Variants in RASSF3 observed in about 807,000 individuals in gnomAD.
RASSF3 encodes the protein ras association domain-containing protein 3.
In RASSF3, 19 loss-of-function variants were observed where a neutral mutation model predicts 19.9. That is an observed-to-expected ratio of 0.96 (90% CI 0.67 to 1.40). The LOEUF (loss-of-function observed/expected upper bound fraction) is 1.40. RASSF3 is among the 40% of genes most tolerant of loss of function. The pLI, the probability that RASSF3 is intolerant of heterozygous loss-of-function variation, is 0.00. For missense variants in RASSF3, 306 were observed against 289.8 expected, an observed-to-expected ratio of 1.06 and a Z score of -0.41; for synonymous variants, 110 against 104.2, an observed-to-expected ratio of 1.06 and a Z score of -0.34.
intron 2 of RASSF3, among the ~76,000 whole-genome samples, chr12:64,556,753 G>A (rs774646948): frequency 1.6e-4 from 24 of 151,850 alleles, no homozygotes; most frequent in Non-Finnish European, 2.8e-4. Flanking sequence ...TTCTCTTCCC[G>A]AGGGGAAAGC....
At chr12:64,670,149 G>C (rs934807357) in intron 1 of RASSF3, among the ~76,000 whole-genome samples, 1 of 151,882 alleles carries the variant, frequency 6.6e-6, no homozygotes, top group African/African-American at 2.4e-5. Flanking sequence ...CTCTGTATGT[G>C]CAGTTGGTGC....
intron 1 of RASSF3, among the ~76,000 whole-genome samples, chr12:64,620,014 C>CTGTGTGTGCGTGTGTGTG (rs1555212635): frequency 1.5e-5 from 2 of 134,168 alleles, no homozygotes; most frequent in African/African-American, 5.7e-5. Flanking sequence ...TGCAGGTTGA[C>CTGTGTGTGCGTGTGTGTG]TGTGTGTGTG....
chr12:64,591,242 C>T lies in RASSF3; in HGVS notation c.294+49537C>T, dbSNP rs545778805. 5.9e-5 allele frequency among the ~76,000 whole-genome samples: 9 copies of T among 152,102 alleles called. No homozygotes were observed. In the East Asian group the frequency reaches 7.7e-4, roughly 13 times the overall value. ...CTGTAATCCCAGCACTTTGGGAGGCCGAGGCAGGCGGATCACGAGGTCAGG... is the reference window on the plus strand; with the variant it reads ...CTGTAATCCCAGCACTTTGGGAGGCTGAGGCAGGCGGATCACGAGGTCAGG... On this transcript the variant is annotated intron_variant, in intron 2 of 5. Coordinates refer to the RASSF3 transcript ENST00000637125.
intron 1 of RASSF3, among the ~76,000 whole-genome samples, chr12:64,651,418 G>A (rs116210492): frequency 0.013 from 1,998 of 152,264 alleles, 46 homozygotes; most frequent in African/African-American, 0.045. Context: ...GAGTGCAGTG[G>A]CTTGATACTG....
At chr12:64,620,155 G>GT (rs1443129603) in intron 1 of RASSF3, among the ~76,000 whole-genome samples, 10 of 151,890 alleles carry the variant, frequency 6.6e-5, no homozygotes, top group Non-Finnish European at 1.3e-4. Context: ...GCGTATATAG[G>GT]TTCGTCTGAC....
At chr12:64,664,813 T>A (rs1252983012) in intron 1 of RASSF3, among the ~76,000 whole-genome samples, 1 of 152,212 alleles carries the variant, frequency 6.6e-6, no homozygotes, top group Admixed American at 6.5e-5. Context: ...CATCTCTGGT[T>A]GCCTCAGTAC....
At chr12:64,553,350 G>A (rs1349897233) in intron 2 of RASSF3, among the ~76,000 whole-genome samples, 4 of 152,104 alleles carry the variant, frequency 2.6e-5, no homozygotes, top group Admixed American at 6.6e-5. Flanking sequence ...TGGACCGGGG[G>A]GTTAAATATT....
intron 3 of RASSF3, among the ~76,000 whole-genome samples, chr12:64,689,414 T>A (rs1210108850): frequency 6.6e-6 from 1 of 152,200 alleles, no homozygotes; most frequent in Non-Finnish European, 1.5e-5. Context: ...ACCATGGGGC[T>A]AGACCCTGTG....
At chr12:64,585,145 G>T (rs2682718) in intron 2 of RASSF3, among the ~76,000 whole-genome samples, 1 of 152,026 alleles carries the variant, frequency 6.6e-6, no homozygotes, top group Non-Finnish European at 1.5e-5. Flanking sequence ...CGGCCTCCCA[G>T]AGTGCTGGGA....
At chr12:64,564,849 C>T (rs1172211978) in intron 2 of RASSF3, among the ~76,000 whole-genome samples, 1 of 151,552 alleles carries the variant, frequency 6.6e-6, no homozygotes, top group African/African-American at 2.4e-5. Context: ...GGTGCAATCT[C>T]GGCTCACTGC....
chr12:64,676,327 T>G (rs1795614), intron 1 of RASSF3, among the ~76,000 whole-genome samples: 4 of 151,458 alleles, frequency 2.6e-5, no homozygotes, highest in Non-Finnish European at 5.9e-5. Context: ...GCCACCACAC[T>G]GGGCTAATTT....
intron 1 of RASSF3, among the ~76,000 whole-genome samples, chr12:64,508,777 G>A (rs1038468222): frequency 5.9e-5 from 9 of 151,986 alleles, no homozygotes; most frequent in African/African-American, 9.6e-5. Flanking sequence ...CCAGCTACTC[G>A]GGAGGCAGAA....
At chr12:64,572,003 T>C (rs1310091706) in intron 2 of RASSF3, among the ~76,000 whole-genome samples, 1 of 152,200 alleles carries the variant, frequency 6.6e-6, no homozygotes, top group Non-Finnish European at 1.5e-5. Flanking sequence ...GTTATGACGT[T>C]CATAAGCTAC....
At chr12:64,557,180 T>G (rs866955601) in intron 2 of RASSF3, among the ~76,000 whole-genome samples, 9 of 152,098 alleles carry the variant, frequency 5.9e-5, no homozygotes, top group Non-Finnish European at 1.0e-4. Flanking sequence ...GCTCTCACCT[T>G]GGCAGTTCTC....
chr12:64,595,315 G>A (rs191224164), intron 2 of RASSF3, among the ~76,000 whole-genome samples: 102 of 151,946 alleles, frequency 6.7e-4, no homozygotes, highest in African/African-American at 2.2e-3. Flanking sequence ...TGATCAGCCC[G>A]CCTCGGCCTC....
At chr12:64,630,486 A>G (rs1871137346) in intron 1 of RASSF3, among the ~76,000 whole-genome samples, 1 of 152,216 alleles carries the variant, frequency 6.6e-6, no homozygotes, top group Non-Finnish European at 1.5e-5. Flanking sequence ...TGGTCACACC[A>G]CTGCACTGTA....
At chr12:64,528,784 A>T (rs1236993512), upstream of RASSF3, among the ~76,000 whole-genome samples, 1 of 152,168 alleles carries the variant, frequency 6.6e-6, no homozygotes, top group Non-Finnish European at 1.5e-5. Flanking sequence ...TAGCACTGCC[A>T]CATGCCAGGC....
rs1868381041 is a variant in RASSF3, at chr12:64,696,837, A to C, written c.*1925A>C. 1 of 152,210 alleles carries C rather than the reference A, an allele frequency of 6.6e-6. No individual in the cohort carries two copies. The highest frequency in any genetic ancestry group is 1.5e-5 in the Non-Finnish European group (1 of 68,048). The allele number at this position is 152,210 out of a possible 1,614,324, so 9.4% of individuals were successfully genotyped here. A position where few individuals can be genotyped will look rare whatever the true frequency, so the allele number is the denominator to read the frequency against. On this transcript the variant is annotated 3_prime_UTR_variant, in exon 5 of 5. Transcript: ENST00000542104. ...CTCTTTTGTACATTGATGAGGTTTT[A>C]GTGACATTGTCATCCAACACTTTAC...
chr12:64,584,786 G>C (rs965557324), intron 2 of RASSF3, among the ~76,000 whole-genome samples: 1 of 151,902 alleles, frequency 6.6e-6, no homozygotes, highest in Non-Finnish European at 1.5e-5. Flanking sequence ...AATTTCGGGG[G>C]AGAGGGAGGT....
Sources: gnomAD v4.1 joint callset for allele counts (sites outside exome capture counted in the v4.1 genomes callset) on GRCh38, gnomAD v4.1.1 for gene constraint, MANE v1.5 for transcripts, NCBI Gene and HGNC (gene_info 2026-07-23, HGNC 2026-07-21) for gene names.